The following PDGFC variants were observed in gnomAD, a reference collection of about 807,000 sequenced individuals.
PDGFC encodes the protein platelet-derived growth factor C.
In PDGFC, 12 loss-of-function variants were observed where a neutral mutation model predicts 35.5. The ratio of observed to expected loss-of-function variants is 0.34; its 90% CI spans 0.22 to 0.55. The LOEUF is 0.55. PDGFC is among the 20% of genes least tolerant of loss of function. The probability of loss-of-function intolerance (pLI) is 0.91; values close to 1 mark genes in which losing one functional copy is unlikely to be tolerated. For missense variants in PDGFC, 322 were observed against 412.4 expected (o/e 0.78, Z 1.90); for synonymous variants, 159 against 148.8 (o/e 1.07, Z -0.50).
intron 1 of PDGFC, among the ~76,000 whole-genome samples, chr4:156,903,656 T>C (rs1450713705): frequency 2.0e-5 from 3 of 152,022 alleles, no homozygotes; most frequent in Non-Finnish European, 2.9e-5. Context: ...AAGATAAACA[T>C]AGCAATTCAA....
intron 1 of PDGFC, among the ~76,000 whole-genome samples, chr4:156,878,144 G>C (rs947611965): frequency 2.6e-5 from 4 of 152,146 alleles, no homozygotes; most frequent in African/African-American, 9.6e-5. Flanking sequence ...CATAGAAAGC[G>C]CTTAAAAATA....
intron 1 of PDGFC, among the ~76,000 whole-genome samples, chr4:156,879,946 T>C (rs764639654): frequency 6.6e-6 from 1 of 152,164 alleles, no homozygotes; most frequent in African/African-American, 2.4e-5. Context: ...AAGCCCTTTT[T>C]TCAATTCTAT....
intron 3 of PDGFC, among the ~76,000 whole-genome samples, chr4:156,798,805 T>C (rs1016899339): frequency 6.6e-6 from 1 of 152,222 alleles, no homozygotes; most frequent in African/African-American, 2.4e-5. Flanking sequence ...CACTTAATGC[T>C]ATTTCATTAA....
intron 1 of PDGFC, chr4:156,876,570 T>A (rs971233234): frequency 6.6e-6 from 1 of 152,186 alleles, no homozygotes; most frequent in African/African-American, 2.4e-5. Flanking sequence ...ATATATCGCA[T>A]GAAAATGAAA....
intron 1 of PDGFC, among the ~76,000 whole-genome samples, chr4:156,966,866 A>G (rs1732479221): frequency 6.6e-6 from 1 of 152,176 alleles, no homozygotes; most frequent in Admixed American, 6.5e-5. Flanking sequence ...CATCCATCCA[A>G]TATCTATGAT....
intron 2 of PDGFC, among the ~76,000 whole-genome samples, chr4:156,822,352 G>C (rs1211285075): frequency 1.2e-5 from 1 of 85,830 alleles, no homozygotes; most frequent in African/African-American, 8.2e-5. Flanking sequence ...GAGTGAAACT[G>C]TCTCAAAAAA....
intron 1 of PDGFC, chr4:156,876,467 A>G (rs1730118720): frequency 6.6e-6 from 1 of 152,194 alleles, no homozygotes; most frequent in Admixed American, 6.5e-5. Flanking sequence ...TAATCTTCCA[A>G]TACACTCTGA....
intron 3 of PDGFC, among the ~76,000 whole-genome samples, chr4:156,793,777 A>G (rs1731363216): frequency 6.6e-6 from 1 of 151,790 alleles, no homozygotes; most frequent in Non-Finnish European, 1.5e-5. Context: ...TTTCATAGTA[A>G]TCCTCATGAT....
intron 4 of PDGFC, among the ~76,000 whole-genome samples, chr4:156,771,765 C>T (rs1349448586): frequency 6.6e-6 from 1 of 152,094 alleles, no homozygotes; most frequent in Non-Finnish European, 1.5e-5. Flanking sequence ...TCAAATTAAC[C>T]GAACATTATT....
intron 3 of PDGFC, among the ~76,000 whole-genome samples, chr4:156,797,733 G>C (rs1198306692): frequency 6.6e-6 from 1 of 152,224 alleles, no homozygotes; most frequent in Non-Finnish European, 1.5e-5. Flanking sequence ...CGCGAGCCAT[G>C]GGTTGGACAA....
chr4:156,954,731 T>C (rs1253698883), intron 1 of PDGFC, among the ~76,000 whole-genome samples: 1 of 152,120 alleles, frequency 6.6e-6, no homozygotes, highest in African/African-American at 2.4e-5. Flanking sequence ...AGCAAAAAGA[T>C]TGAGGCTCTC....
At chr4:156,949,400 T>C (rs1384492090) in intron 1 of PDGFC, among the ~76,000 whole-genome samples, 2 of 151,762 alleles carry the variant, frequency 1.3e-5, no homozygotes, top group Non-Finnish European at 2.9e-5. Flanking sequence ...CCCATTCTAG[T>C]TGGTCATTAA....
intron 1 of PDGFC, among the ~76,000 whole-genome samples, chr4:156,921,981 T>C (rs1731294336): frequency 6.6e-6 from 1 of 152,098 alleles, no homozygotes; most frequent in Non-Finnish European, 1.5e-5. Context: ...TGTGCAAATA[T>C]TAGGTAAGGA....
At chr4:156,917,051 C>G (rs939753093) in intron 1 of PDGFC, among the ~76,000 whole-genome samples, 1 of 152,066 alleles carries the variant, frequency 6.6e-6, no homozygotes, top group Admixed American at 6.6e-5. Context: ...AAAATTGCAT[C>G]CTCAATGTGC....
chr4:156,919,949 G>T (rs1325646021), intron 1 of PDGFC, among the ~76,000 whole-genome samples: 1 of 152,100 alleles, frequency 6.6e-6, no homozygotes, highest in Non-Finnish European at 1.5e-5. Context: ...GAATGGATTG[G>T]TGTCCTCCCT....
intron 3 of PDGFC, among the ~76,000 whole-genome samples, chr4:156,800,815 T>C (rs759124556): frequency 6.6e-6 from 1 of 152,212 alleles, no homozygotes; most frequent in Non-Finnish European, 1.5e-5. Context: ...AACCCTCATC[T>C]TGCCTTTAAC....
chr4:156,815,318 T>C (rs1732053918), intron 2 of PDGFC, among the ~76,000 whole-genome samples: 1 of 130,124 alleles, frequency 7.7e-6, no homozygotes, highest in Admixed American at 8.6e-5. Flanking sequence ...AATGAAATAA[T>C]TTTTTACACA....
At chr4:156,921,200 C>T (rs1731272620) in intron 1 of PDGFC, among the ~76,000 whole-genome samples, 2 of 152,278 alleles carry the variant, frequency 1.3e-5, no homozygotes, top group East Asian at 1.9e-4. Context: ...TCTATAAATG[C>T]TTTGTGCCAG....
intron 3 of PDGFC, among the ~76,000 whole-genome samples, chr4:156,777,980 T>C (rs1730871531): frequency 6.6e-6 from 1 of 152,012 alleles, no homozygotes; most frequent in African/African-American, 2.4e-5. Context: ...TGGCCACGCT[T>C]ATAATCCCAG....
Sources: allele counts gnomAD v4.1 joint callset (sites outside exome capture counted in the v4.1 genomes callset), GRCh38; gene constraint gnomAD v4.1.1; transcripts MANE v1.5; gene names NCBI Gene and HGNC (gene_info 2026-07-23, HGNC 2026-07-21).